ACTR5: variants seen among roughly 807,000 people sequenced by gnomAD.
ACTR5 encodes actin-related protein 5.
Under a neutral mutation model 61.2 loss-of-function variants are expected in ACTR5, and 43 were observed. The observed-to-expected ratio is 0.70, with a 90% confidence interval of 0.55 to 0.91. The LOEUF is 0.91. Ranked by LOEUF, ACTR5 falls within the 40% of genes least tolerant of loss-of-function variation. The pLI is 0.00. For missense variants in ACTR5, 798 were observed against 782.2 expected, an observed-to-expected ratio of 1.02 and a Z score of -0.24; for synonymous variants, 333 against 310.5, an observed-to-expected ratio of 1.07 and a Z score of -0.76.
chr20:38,752,718 G>A (rs547406690), intron 3 of ACTR5, among the ~76,000 whole-genome samples: 2 of 152,266 alleles, frequency 1.3e-5, no homozygotes, highest in South Asian at 2.1e-4. Flanking sequence ...TCAAATTAAA[G>A]TATGAGTTTT....
intron 2 of ACTR5, among the ~76,000 whole-genome samples, chr20:38,751,431 CAG>C (rs796519772): frequency 3.9e-5 from 6 of 152,182 alleles, no homozygotes; most frequent in African/African-American, 1.4e-4. Flanking sequence ...TCTATGTAAA[CAG>C]AATATGCAAA....
intron 7 of ACTR5, 103 bp downstream of exon 7, chr20:38,766,480 ACT>A (rs1568637936): frequency 2.2e-6 from 3 of 1,347,096 alleles, no homozygotes; most frequent in South Asian, 3.0e-5. Flanking sequence ...AATGCATCTC[ACT>A]CTCTTCTTTT....
At chr20:38,764,474 A>G (rs921532637) in intron 5 of ACTR5, among the ~76,000 whole-genome samples, 3 of 152,048 alleles carry the variant, frequency 2.0e-5, no homozygotes, top group Non-Finnish European at 4.4e-5. Flanking sequence ...AATTAAAAGC[A>G]CCCTAACTTC....
At chr20:38,766,151 G>A in intron 6 of ACTR5, 87 bp from the exon 7 acceptor site, 1 of 1,438,832 alleles carries the variant, frequency 7.0e-7, no homozygotes, top group Non-Finnish European at 9.4e-7. Flanking sequence ...AAACTATTGG[G>A]ATTAAGAAAC....
chr20:38,752,270 C>A lies in ACTR5; in HGVS notation c.745C>A (p.His249Asn). The A allele has an allele frequency of 6.2e-7, 1 of 1,613,360 alleles. No homozygotes were observed. The highest frequency in any genetic ancestry group is 2.2e-5 in the East Asian group (1 of 44,856). Residue 249 changes from histidine to asparagine, a missense_variant, in exon 3 of 9, where the codon CAC becomes AAC. Transcript: ENST00000243903. Reference protein sequence around the residue: ...LSRMEEILHEHSYIAEDYVEE... With the variant: ...LSRMEEILHENSYIAEDYVEE... ...CCGCATGGAGGAGATTCTGCATGAGCACAGCTACATCGCTGAGGATTATGT... is the reference window on the plus strand; with the variant it reads ...CCGCATGGAGGAGATTCTGCATGAGAACAGCTACATCGCTGAGGATTATGT...
Position 38,755,074 on chromosome 20 carries a change from GGCA to G in ACTR5, c.900_902del (p.Gln301del). On this transcript the variant is annotated inframe_deletion, in exon 4 of 9. Coordinates refer to ENST00000243903, the MANE Select transcript of ACTR5 (RefSeq NM_024855.4). ...ACCTCTGAGGAGAAACAAGAAAGGCGGCAGCAGCAATTGCGGCGGCTGCAGGAG... is the reference window on the plus strand; with the variant it reads ...ACCTCTGAGGAGAAACAAGAAAGGCGGCAGCAATTGCGGCGGCTGCAGGAG... The G allele has an allele frequency of 6.2e-7, 1 of 1,614,258 alleles. No homozygotes were observed. The highest frequency in any genetic ancestry group is 8.5e-7 in the Non-Finnish European group (1 of 1,180,046).
At chr20:38,758,571 C>T (rs926269270) in intron 5 of ACTR5, among the ~76,000 whole-genome samples, 9 of 151,792 alleles carry the variant, frequency 5.9e-5, no homozygotes, top group Non-Finnish European at 1.3e-4. Flanking sequence ...CGCTTGAACC[C>T]AGGAGGCGGA....
At chr20:38,760,858 T>C (rs1331630958) in intron 5 of ACTR5, among the ~76,000 whole-genome samples, 1 of 152,122 alleles carries the variant, frequency 6.6e-6, no homozygotes, top group Non-Finnish European at 1.5e-5. Flanking sequence ...TTTTTTTTCT[T>C]TTTTTTAAGA....
chr20:38,756,567 C>CTCT (rs377648509), intron 5 of ACTR5, among the ~76,000 whole-genome samples: 6 of 152,006 alleles, frequency 3.9e-5, no homozygotes, highest in East Asian at 3.8e-4. Flanking sequence ...CTTTGATTTT[C>CTCT]TCTTCTTCTT....
intron 4 of ACTR5, 33 bp downstream of exon 4, chr20:38,755,207 G>A (rs188129219): frequency 3.8e-5 from 58 of 1,525,852 alleles, no homozygotes; most frequent in Non-Finnish European, 4.7e-5. Flanking sequence ...GCGCCCTTCC[G>A]TGTTAACAAG....
Position 38,752,162 on chromosome 20 carries a change from C to G in ACTR5, c.637C>G (p.Leu213Val). 1.9e-6 allele frequency: 3 copies of G among 1,613,986 alleles called. No homozygotes were observed. The highest frequency in any genetic ancestry group is 2.5e-6 in the Non-Finnish European group (3 of 1,179,872). ...TGCTAAAAACTGCAAGCGCATCAAT[C>G]TTGGAGGAAGCCAAGCAGCTGGTTA... ...LDAKNCKRIN[L>V]GGSQAAGYLQ... Residue 213 changes from leucine to valine, a missense_variant, in exon 3 of 9, where the codon CTT becomes GTT. Transcript: ENST00000243903.
Position 38,748,710 on chromosome 20 carries a change from C to T in ACTR5, c.232C>T (p.Pro78Ser). The change falls in exon 1 of 9, where the codon CCG becomes TCG. Residue 78 changes from proline to serine, a missense_variant. Coordinates refer to ENST00000243903, the MANE Select transcript of ACTR5 (RefSeq NM_024855.4). ...TGGCGGGGCACGGGGCGCGTCGGGC[C>T]CGCAGGTGGGGAACGCTCTGGGCAG... ...GRGGARGASG[P>S]QVGNALGSLE... is the part of the protein sequence containing the mutation. 6.5e-7 allele frequency: 1 copy of T among 1,536,934 alleles called. No individual in the cohort carries two copies. The highest frequency in any genetic ancestry group is 8.7e-7 in the Non-Finnish European group (1 of 1,143,606).
chr20:38,750,006 G>A lies in ACTR5; in HGVS notation c.376-4G>A, dbSNP rs1369592771. ...CATTTATTTGCCCTTTTCTTTCAAA[G>A]TAGGGCTGTGTTGATCATCCCATAG... is the stretch of plus-strand genomic sequence containing the variant. On this transcript the variant is annotated splice_region_variant and splice_polypyrimidine_tract_variant and intron_variant, in intron 1 of 8. Transcript: ENST00000243903. 1 of 1,610,898 alleles carries A rather than the reference G, an allele frequency of 6.2e-7. No individual in the cohort carries two copies. Among genetic ancestry groups the A allele is most frequent in the Admixed American group, 1.7e-5 (1 of 59,876 alleles).
intron 5 of ACTR5, among the ~76,000 whole-genome samples, chr20:38,760,768 CT>C (rs1720549634): frequency 6.6e-6 from 1 of 152,158 alleles, no homozygotes; most frequent in African/African-American, 2.4e-5. Context: ...AACCCTTAGG[CT>C]GTATTGAAAG....
Position 38,750,081 on chromosome 20 carries a change from T to C in ACTR5, c.447T>C (p.Ser149=), listed in dbSNP as rs1413722816. The C allele has an allele frequency of 1.1e-5, 17 of 1,614,240 alleles. No homozygotes were observed. The highest frequency in any genetic ancestry group is 1.4e-5 in the Non-Finnish European group (16 of 1,180,038). Residue 149 remains serine (S), a synonymous_variant, in exon 2 of 9, where the codon TCT becomes TCC. Transcript: ENST00000243903. The part of the protein sequence containing the change: ...CNPLYSRQMM[S]ELLFECYGIP... ...CACTGTATTCACGGCAAATGATGTC[T>C]GAGCTTCTTTTTGAGTGCTACGGGA... is the stretch of plus-strand genomic sequence containing the variant.
chr20:38,761,601 G>T (rs1224480724), intron 5 of ACTR5: 1 of 131,096 alleles, frequency 7.6e-6, no homozygotes, highest in Non-Finnish European at 1.7e-5. Context: ...GATCTGGCTG[G>T]CTAAGCTGGT....
chr20:38,755,776 T>C, intron 4 of ACTR5, 81 bp from the exon 5 acceptor site: 1 of 1,538,624 alleles, frequency 6.5e-7, no homozygotes, highest in African/African-American at 1.4e-5. Flanking sequence ...AGGGGAGCTC[T>C]GGAAGCCCTC....
chr20:38,753,428 TAAA>T (rs750748510), intron 3 of ACTR5, among the ~76,000 whole-genome samples: 1 of 137,016 alleles, frequency 7.3e-6, no homozygotes. Flanking sequence ...TGATGTTGAG[TAAA>T]AAAAAAAAAA....
At chr20:38,755,483 G>C (rs1376875590) in intron 4 of ACTR5, among the ~76,000 whole-genome samples, 1 of 152,112 alleles carries the variant, frequency 6.6e-6, no homozygotes, top group African/African-American at 2.4e-5. Flanking sequence ...TTTTCAAAGT[G>C]AAACTCACCC....
Sources: allele counts gnomAD v4.1 joint callset (sites outside exome capture counted in the v4.1 genomes callset), GRCh38; gene constraint gnomAD v4.1.1; transcripts MANE v1.5; gene names NCBI Gene and HGNC (gene_info 2026-07-23, HGNC 2026-07-21).